The following BMPR1A variants were observed in gnomAD, a reference collection of about 807,000 sequenced individuals.
The protein encoded by BMPR1A is bone morphogenetic protein receptor type 1A.
Under a neutral mutation model 66.0 loss-of-function variants are expected in BMPR1A, and 7 were observed. The observed-to-expected ratio is 0.11, with a 90% CI of 0.06 to 0.20. The LOEUF is 0.20. Among genes scored for constraint, BMPR1A ranks in the 10% least tolerant of loss-of-function variants. The probability of loss-of-function intolerance (pLI) is 1.00; values close to 1 mark genes in which losing one functional copy is unlikely to be tolerated. For synonymous variants in BMPR1A, 200 were observed against 229.7 expected, an observed-to-expected ratio of 0.87 and a Z score of 1.17; for missense variants, 408 against 669.1, an observed-to-expected ratio of 0.61 and a Z score of 4.31.
intron 1 of BMPR1A, among the ~76,000 whole-genome samples, chr10:86,757,551 A>C (rs1213052079): frequency 6.6e-6 from 1 of 152,216 alleles, no homozygotes; most frequent in Non-Finnish European, 1.5e-5. Context: ...AAGGAAAAAA[A>C]AATGAGCTTG....
chr10:86,771,240 AAAAG>A (rs1416484438), intron 1 of BMPR1A, among the ~76,000 whole-genome samples: 1 of 152,194 alleles, frequency 6.6e-6, no homozygotes, highest in African/African-American at 2.4e-5. Flanking sequence ...AAAGCACTCA[AAAAG>A]AAACACTAAT....
At chr10:86,813,165 T>C (rs1027366348) in intron 1 of BMPR1A, among the ~76,000 whole-genome samples, 3 of 152,234 alleles carry the variant, frequency 2.0e-5, no homozygotes, top group Non-Finnish European at 1.5e-5. Context: ...GTTCAGTCCA[T>C]TGTAATTCTT....
intron 3 of BMPR1A, among the ~76,000 whole-genome samples, chr10:86,881,350 T>G (rs909822761): frequency 6.6e-6 from 1 of 152,216 alleles, no homozygotes; most frequent in African/African-American, 2.4e-5. Flanking sequence ...CTTGCCTTTC[T>G]AACATGAACT....
chr10:86,867,118 C>T (rs1242207723), intron 2 of BMPR1A, among the ~76,000 whole-genome samples: 2 of 152,160 alleles, frequency 1.3e-5, no homozygotes. Flanking sequence ...CCACATTAAA[C>T]TGTTTTTTTC....
intron 1 of BMPR1A, among the ~76,000 whole-genome samples, chr10:86,782,159 G>A (rs1306713960): frequency 6.6e-6 from 1 of 152,108 alleles, no homozygotes; most frequent in African/African-American, 2.4e-5. Flanking sequence ...CATCATGCCA[G>A]GTCCAGGATT....
chr10:86,855,298 C>G, intron 2 of BMPR1A: 1 of 1,045,902 alleles, frequency 9.6e-7, no homozygotes. Context: ...TGTCTTCCAC[C>G]CAATCAAAGT....
chr10:86,843,259 T>G (rs964218991), intron 2 of BMPR1A: 1 of 152,254 alleles, frequency 6.6e-6, no homozygotes, highest in African/African-American at 2.4e-5. Flanking sequence ...TGGCCCTTTC[T>G]CTCTTGTGGA....
At chr10:86,787,407 T>C (rs988040109) in intron 1 of BMPR1A, among the ~76,000 whole-genome samples, 21 of 152,202 alleles carry the variant, frequency 1.4e-4, no homozygotes, top group African/African-American at 4.8e-4. Context: ...TGGAAGTTTC[T>C]GTCTAAAATA....
intron 1 of BMPR1A, among the ~76,000 whole-genome samples, chr10:86,787,782 A>G (rs1301469134): frequency 6.6e-6 from 1 of 152,152 alleles, no homozygotes; most frequent in East Asian, 1.9e-4. Flanking sequence ...AAGCAGGCCT[A>G]TCTTCACATG....
chr10:86,799,292 A>C (rs1841771809), intron 1 of BMPR1A, among the ~76,000 whole-genome samples: 1 of 152,210 alleles, frequency 6.6e-6, no homozygotes, highest in Admixed American at 6.5e-5. Flanking sequence ...GAACTATTAC[A>C]AGTCGTCTGT....
chr10:86,924,137 A>G lies in BMPR1A; in HGVS notation c.*418A>G, dbSNP rs1843708270. The G allele has an allele frequency of 2.8e-6, 1 of 353,600 alleles. No individual in the cohort carries two copies. Among genetic ancestry groups the G allele is most frequent in the Non-Finnish European group, 5.2e-6 (1 of 190,784 alleles). 21.9% of individuals were successfully genotyped at this position (353,600 alleles called of 1,614,324 possible). A position where few individuals can be genotyped will look rare whatever the true frequency, so the allele number is the denominator to read the frequency against. Reference sequence around the variant, plus strand: ...ACTTTGCCTTTTACCTGAGACTTTCAGTTCGTTTGTATTCTACCTTTGTAA... The same window carrying G: ...ACTTTGCCTTTTACCTGAGACTTTCGGTTCGTTTGTATTCTACCTTTGTAA... On this transcript the variant is annotated 3_prime_UTR_variant, in exon 13 of 13. Transcript: ENST00000372037.
intron 11 of BMPR1A, among the ~76,000 whole-genome samples, chr10:86,923,100 T>C (rs1372012629): frequency 6.6e-6 from 1 of 152,242 alleles, no homozygotes; most frequent in East Asian, 1.9e-4. Flanking sequence ...AAATGGCTGA[T>C]TTCGCCTTGC....
chr10:86,759,675 T>C (rs561723700), intron 1 of BMPR1A, among the ~76,000 whole-genome samples: 34 of 152,234 alleles, frequency 2.2e-4, no homozygotes, highest in Non-Finnish European at 4.6e-4. Context: ...GTGAAGGTAG[T>C]AGTCAAATCA....
At chr10:86,826,440 A>ACACACACACACACC (rs1313633589) in intron 1 of BMPR1A, among the ~76,000 whole-genome samples, 2 of 151,030 alleles carry the variant, frequency 1.3e-5, no homozygotes, top group African/African-American at 4.9e-5. Flanking sequence ...ACACACACAC[A>ACACACACACACACC]CCCGCTTTTG....
chr10:86,765,486 A>C (rs1487431723), intron 1 of BMPR1A, among the ~76,000 whole-genome samples: 3 of 149,344 alleles, frequency 2.0e-5, no homozygotes, highest in Non-Finnish European at 3.0e-5. Flanking sequence ...TCTGTCTCAA[A>C]AAAAAAAAAA....
rs1485865641 is a variant in BMPR1A at position 86,925,165 on chromosome 10, A to G, written c.*1446A>G. ...AGCTACACTGTATAACTGTTCTTCA[A>G]TAAAATGGTTCATATTTTATAGATG... On this transcript the variant is annotated 3_prime_UTR_variant, in exon 13 of 13. Transcript: ENST00000372037. 1 of 231,376 alleles carries G rather than the reference A, an allele frequency of 4.3e-6. No homozygotes were observed. Among genetic ancestry groups the G allele is most frequent in the African/African-American group, 2.2e-5 (1 of 45,278 alleles). The allele number at this position is 231,376 out of a possible 1,614,324, so 14.3% of individuals were successfully genotyped here.
Position 86,767,164 on chromosome 10 carries a change from A to C in BMPR1A, c.-268+10245A>C, listed in dbSNP as rs17231968. 0.067 allele frequency among the ~76,000 whole-genome samples: 10,182 copies of C among 152,160 alleles called. 418 individuals are homozygous for C. The highest frequency in any genetic ancestry group is 0.076 in the Non-Finnish European group (5,184 of 68,000). ...TCTTTGCCAGTTTGCCAGCTGAAAA[A>C]ACATTCATGATATAAGGTTTCTTTG... On this transcript the variant is annotated intron_variant, in intron 1 of 12. Transcript: ENST00000372037.
chr10:86,808,307 T>C (rs1328445485), intron 1 of BMPR1A, among the ~76,000 whole-genome samples: 2 of 152,190 alleles, frequency 1.3e-5, no homozygotes, highest in South Asian at 2.1e-4. Context: ...TTTTAATTAA[T>C]TGGCTTAGCT....
At chr10:86,808,258 C>CT (rs757239275) in intron 1 of BMPR1A, among the ~76,000 whole-genome samples, 1 of 151,710 alleles carries the variant, frequency 6.6e-6, no homozygotes, top group Non-Finnish European at 1.5e-5. Flanking sequence ...CTGTAGTGAT[C>CT]TTTTTTTTCA....
Sources: gnomAD v4.1 joint callset for allele counts (sites outside exome capture counted in the v4.1 genomes callset) on GRCh38, gnomAD v4.1.1 for gene constraint, MANE v1.5 for transcripts, NCBI Gene and HGNC (gene_info 2026-07-23, HGNC 2026-07-21) for gene names.